Variants in CALCA observed in about 807,000 individuals in gnomAD.
The protein encoded by CALCA is calcitonin.
In CALCA, 4 loss-of-function variants were observed where a neutral mutation model predicts 6.9. The observed-to-expected ratio is 0.58, with a 90% CI of 0.29 to 1.33. The LOEUF (loss-of-function observed/expected upper bound fraction) is 1.33, where lower values mean the gene tolerates loss of function less well. CALCA is among the 40% of genes most tolerant of loss of function. The pLI, the probability that CALCA is intolerant of heterozygous loss-of-function variation, is 0.09. For missense variants in CALCA, 174 were observed against 178.3 expected (o/e 0.98, Z 0.14); for synonymous variants, 78 against 70.0 (o/e 1.11, Z -0.57).
Position 14,969,010 on chromosome 11 carries a change from C to G in CALCA, c.228-13G>C, listed in dbSNP as rs755335738. On this transcript the variant is annotated splice_polypyrimidine_tract_variant and intron_variant, in intron 3 of 3. Coordinates refer to ENST00000331587, the MANE Select transcript of CALCA (RefSeq NM_001741.3). Reference sequence around the variant, plus strand: ...GGGGCTGTCCAGGCTGCAGGGAAAACACATACCAGACAGTACCATGCACCA... The same window carrying G: ...GGGGCTGTCCAGGCTGCAGGGAAAAGACATACCAGACAGTACCATGCACCA... The G allele has an allele frequency of 1.2e-6, 2 of 1,611,798 alleles. No homozygotes were observed. The highest frequency in any genetic ancestry group is 1.7e-6 in the Non-Finnish European group (2 of 1,178,826).
downstream of CALCA, chr11:14,967,962 ATTAAC>A: frequency 7.7e-7 from 1 of 1,291,276 alleles, no homozygotes; most frequent in African/African-American, 1.5e-5. Context: ...AAAGGCACCA[ATTAAC>A]TTTAAGTGTT....
At position 14,969,027 on chromosome 11, in the gene CALCA, C is replaced by T. The variant is rs1555025911; in HGVS notation, c.228-30G>A. 5 of 1,602,796 alleles carry T rather than the reference C, an allele frequency of 3.1e-6. No homozygotes were observed. In the East Asian group the frequency reaches 1.1e-4, roughly 36 times the overall value. ...AGGGAAAACACATACCAGACAGTAC[C>T]ATGCACCAGAATCTGTCCCCATGGG... is the stretch of plus-strand genomic sequence containing the variant. On this transcript the variant is annotated intron_variant, in intron 3 of 3. Coordinates refer to ENST00000331587, the MANE Select transcript of CALCA (RefSeq NM_001741.3).
chr11:14,971,585 T>TC (rs1198985851), intron 1 of CALCA, among the ~76,000 whole-genome samples: 7 of 152,286 alleles, frequency 4.6e-5, no homozygotes, highest in African/African-American at 1.7e-4. Flanking sequence ...AGAGCTGTCC[T>TC]CCTCTTCTGG....
At chr11:14,970,725 C>A (rs1849582581) in intron 2 of CALCA, among the ~76,000 whole-genome samples, 1 of 151,956 alleles carries the variant, frequency 6.6e-6, no homozygotes, top group Non-Finnish European at 1.5e-5. Flanking sequence ...CATGGTGAAA[C>A]CCTATCTCTA....
At chr11:14,969,807 AG>A in intron 3 of CALCA, 127 bp downstream of exon 3, 2 of 1,432,766 alleles carry the variant, frequency 1.4e-6, no homozygotes, top group Non-Finnish European at 1.9e-6. Flanking sequence ...GCTGGGCCCC[AG>A]GTCCCGGTGA....
At chr11:14,969,102 G>C (rs939903458) in intron 3 of CALCA, 105 bp from the exon 4 acceptor site, 130 of 1,004,964 alleles carry the variant, frequency 1.3e-4, no homozygotes, top group South Asian at 7.8e-5. Flanking sequence ...AGCAGGAGGG[G>C]CAGGCAGGAG....
chr11:14,966,974 A>G (rs1359005431), downstream of CALCA: 7 of 152,822 alleles, frequency 4.6e-5, no homozygotes, highest in Admixed American at 3.9e-4. Flanking sequence ...GCATTTAGCA[A>G]TAGTTCCTTT....
intron 1 of CALCA, among the ~76,000 whole-genome samples, chr11:14,971,485 A>G (rs547905873): frequency 2.5e-4 from 38 of 152,186 alleles, no homozygotes; most frequent in African/African-American, 7.9e-4. Context: ...CCCCAAAGCC[A>G]CACAGATACA....
At chr11:14,969,066 G>T (rs1555025919) in intron 3 of CALCA, 69 bp from the exon 4 acceptor site, 3 of 1,453,152 alleles carry the variant, frequency 2.1e-6, no homozygotes, top group Non-Finnish European at 2.9e-6. Context: ...TCACTTAGAA[G>T]GTTAGACCAG....
At chr11:14,969,820 C>A in intron 3 of CALCA, 115 bp downstream of exon 3, 2 of 1,529,670 alleles carry the variant, frequency 1.3e-6, no homozygotes, top group Admixed American at 3.4e-5. Flanking sequence ...TCCCGGTGAA[C>A]AACACAGCCT....
In CALCA at chr11:14,968,770, A is replaced by AAATT. The variant is rs1555025813; in HGVS notation, c.*28_*29insAATT. ...CATCAAGTTATAGGAAGGATGCAAG[A>AAATT]AGGGAAATTAGGAAGGAAAGGGAGG... On this transcript the variant is annotated 3_prime_UTR_variant, in exon 4 of 4. Coordinates refer to ENST00000331587, the MANE Select transcript of CALCA (RefSeq NM_001741.3). 80 of 1,614,088 alleles carry AAATT rather than the reference A, an allele frequency of 5.0e-5. No individual in the cohort carries two copies. Among genetic ancestry groups the AAATT allele is most frequent in the Non-Finnish European group, 6.7e-5 (79 of 1,179,976 alleles).
chr11:14,967,231 G>A (rs1028735665), downstream of CALCA: 22 of 182,210 alleles, frequency 1.2e-4, no homozygotes, highest in Non-Finnish European at 2.3e-4. Context: ...TTTACAGATG[G>A]AGAAACTGAG....
intron 1 of CALCA, 90 bp from the exon 2 acceptor site, chr11:14,971,291 G>T: frequency 1.2e-6 from 1 of 845,490 alleles, no homozygotes; most frequent in Non-Finnish European, 2.1e-6. Context: ...TTTCTGTCTT[G>T]CTTCTAACGC....
chr11:14,969,274 C>A (rs35731970), intron 3 of CALCA, among the ~76,000 whole-genome samples: 2,277 of 152,222 alleles, frequency 0.015, 55 homozygotes, highest in African/African-American at 0.052. Context: ...GATGCAGGGG[C>A]AACACATGCC....
chr11:14,968,232 C>T (rs1265445761), downstream of CALCA: 2 of 330,962 alleles, frequency 6.0e-6, no homozygotes, highest in Non-Finnish European at 1.1e-5. Context: ...AATCTACACC[C>T]CAGTCACGGG....
At chr11:14,968,394 T>C (rs1239466646), downstream of CALCA, 1 of 1,141,090 alleles carries the variant, frequency 8.8e-7, no homozygotes, top group Non-Finnish European at 1.1e-6. Flanking sequence ...CCACCCACCA[T>C]ATCCTCTGTC....
chr11:14,967,756 A>C (rs1555025652), downstream of CALCA: 1 of 1,614,030 alleles, frequency 6.2e-7, no homozygotes, highest in Non-Finnish European at 8.5e-7. Context: ...GGTGGGCACA[A>C]AGTTGTTCTT....
chr11:14,968,702 A>C lies in CALCA; in HGVS notation c.*97T>G. 3.1e-6 allele frequency: 5 copies of C among 1,612,288 alleles called. No individual in the cohort carries two copies. In the South Asian group the frequency reaches 5.5e-5, roughly 18 times the overall value. ...ATCCTCTGCCACAAGGAAAGCCACC[A>C]ATACCAGCCCAAAGAGCCACCAGAG... is the stretch of plus-strand genomic sequence containing the variant. On this transcript the variant is annotated 3_prime_UTR_variant, in exon 4 of 4. Coordinates refer to ENST00000331587, the MANE Select transcript of CALCA (RefSeq NM_001741.3).
chr11:14,966,906 G>A (rs183437736), downstream of CALCA: 1 of 152,720 alleles, frequency 6.5e-6, no homozygotes, highest in Non-Finnish European at 1.5e-5. Context: ...CAGATTTATG[G>A]TTACATAATC....
Sources: gnomAD v4.1 joint callset for allele counts (sites outside exome capture counted in the v4.1 genomes callset) on GRCh38, gnomAD v4.1.1 for gene constraint, MANE v1.5 for transcripts, NCBI Gene and HGNC (gene_info 2026-07-23, HGNC 2026-07-21) for gene names.